Variants in CSMD1 observed in about 807,000 individuals in gnomAD.
CSMD1 encodes the protein CUB and sushi domain-containing protein 1.
Under a neutral mutation model 417.5 loss-of-function variants are expected in CSMD1, and 213 were observed. The observed-to-expected ratio is 0.51, with a 90% CI of 0.46 to 0.57. CSMD1 has a LOEUF of 0.57. Ranked by LOEUF, CSMD1 falls within the 20% of genes least tolerant of loss-of-function variation. The pLI is 0.00. For missense variants in CSMD1, 6,923 were observed against 4,529.7 expected (o/e 1.53, Z -15.17); for synonymous variants, 2,862 against 1,736.8 (o/e 1.65, Z -16.11).
intron 33 of CSMD1, among the ~76,000 whole-genome samples, chr8:3,198,381 T>C (rs1396628095): frequency 6.6e-6 from 1 of 152,238 alleles, no homozygotes; most frequent in Non-Finnish European, 1.5e-5. Flanking sequence ...CAAAGTCAGA[T>C]AGAATTTATT....
At chr8:4,848,111 A>T (rs1801250772) in intron 1 of CSMD1, among the ~76,000 whole-genome samples, 1 of 151,994 alleles carries the variant, frequency 6.6e-6, no homozygotes, top group Non-Finnish European at 1.5e-5. Flanking sequence ...TTTTTTTTGG[A>T]TATTGTCAAG....
chr8:3,979,987 T>A (rs1230136554), intron 5 of CSMD1, among the ~76,000 whole-genome samples: 1 of 152,194 alleles, frequency 6.6e-6, no homozygotes, highest in Non-Finnish European at 1.5e-5. Flanking sequence ...AAGAACTGGG[T>A]TGAACAACTC....
chr8:3,358,673 C>T (rs1808959378), intron 21 of CSMD1, among the ~76,000 whole-genome samples: 1 of 152,118 alleles, frequency 6.6e-6, no homozygotes, highest in Non-Finnish European at 1.5e-5. Flanking sequence ...CCTCTTGTGC[C>T]CACTTAGCAG....
intron 49 of CSMD1, among the ~76,000 whole-genome samples, chr8:3,077,097 T>C (rs1198642192): frequency 6.6e-6 from 1 of 152,188 alleles, no homozygotes; most frequent in East Asian, 1.9e-4. Flanking sequence ...ATTAGGTGCC[T>C]GCACGTCTGG....
chr8:4,899,862 G>A (rs1992203), intron 1 of CSMD1, among the ~76,000 whole-genome samples: 3 of 152,042 alleles, frequency 2.0e-5, no homozygotes, highest in Non-Finnish European at 4.4e-5. Context: ...TTTCTCTGGT[G>A]TCAGACATAC....
intron 1 of CSMD1, among the ~76,000 whole-genome samples, chr8:4,880,485 GC>G (rs750660907): frequency 4.6e-5 from 7 of 152,066 alleles, no homozygotes; most frequent in South Asian, 2.1e-4. Flanking sequence ...CTGTTGTGTA[GC>G]CCATGAATTC....
intron 1 of CSMD1, among the ~76,000 whole-genome samples, chr8:4,956,490 TA>T (rs201932735): frequency 0.016 from 2,364 of 148,684 alleles, 57 homozygotes; most frequent in African/African-American, 0.055. Context: ...CATATGTGTA[TA>T]AAAATATATG....
intron 11 of CSMD1, among the ~76,000 whole-genome samples, chr8:3,470,431 T>C (rs935947978): frequency 1.3e-5 from 2 of 152,182 alleles, no homozygotes; most frequent in African/African-American, 2.4e-5. Context: ...ATTTACCTAG[T>C]TTCCCCGAGT....
chr8:3,539,923 T>G (rs935768426), intron 10 of CSMD1, among the ~76,000 whole-genome samples: 1 of 152,318 alleles, frequency 6.6e-6, no homozygotes, highest in Admixed American at 6.5e-5. Flanking sequence ...GCTTCATGGA[T>G]AGACCATAAC....
chr8:3,241,305 CACA>C (rs1799498520), intron 26 of CSMD1, among the ~76,000 whole-genome samples: 3 of 150,866 alleles, frequency 2.0e-5, no homozygotes, highest in Admixed American at 6.6e-5. Context: ...CGTCAATACC[CACA>C]ACAGTTATGG....
rs33934672 is a variant in CSMD1, at chr8:3,064,889, C to CT, written c.7475-12243dup. Reference sequence around the variant, plus strand: ...AGTTTCAGAATCAAGGACCAAAAATCTTTTTTTTTCCTTTTATTCCCAGGG... The same window carrying CT: ...AGTTTCAGAATCAAGGACCAAAAATCTTTTTTTTTTCCTTTTATTCCCAGGG... On this transcript the variant is annotated intron_variant, in intron 49 of 69. Coordinates refer to ENST00000635120, the MANE Select transcript of CSMD1 (RefSeq NM_033225.6). 4.3e-3 allele frequency among the ~76,000 whole-genome samples: 656 copies of CT among 151,402 alleles called. 2 individuals are homozygous for CT. The highest frequency in any genetic ancestry group is 0.041 in the Middle Eastern group (12 of 294).
intron 2 of CSMD1, 77 bp from the exon 3 acceptor site, chr8:4,420,142 G>C (rs1797166282): frequency 1.4e-5 from 13 of 960,466 alleles, no homozygotes; most frequent in Non-Finnish European, 8.0e-6. Context: ...TGAAGTCACT[G>C]AATAACTTGA....
chr8:4,439,992 A>G (rs925610973), intron 2 of CSMD1, among the ~76,000 whole-genome samples: 2 of 152,176 alleles, frequency 1.3e-5, no homozygotes, highest in African/African-American at 4.8e-5. Flanking sequence ...CAGCCTAGAC[A>G]TGGGGGGTAT....
chr8:3,396,879 C>G (rs1020144632), intron 16 of CSMD1, among the ~76,000 whole-genome samples: 2 of 151,494 alleles, frequency 1.3e-5, no homozygotes, highest in Non-Finnish European at 2.9e-5. Context: ...AACACCTTTC[C>G]TGAAAAAAAA....
intron 3 of CSMD1, among the ~76,000 whole-genome samples, chr8:4,155,583 T>G (rs567297398): frequency 1.3e-5 from 2 of 152,302 alleles, no homozygotes; most frequent in South Asian, 4.1e-4. Flanking sequence ...CTTTAAATTG[T>G]GAGTCATTTT....
At chr8:3,592,676 G>A (rs140009671) in intron 8 of CSMD1, among the ~76,000 whole-genome samples, 43 of 127,442 alleles carry the variant, frequency 3.4e-4, no homozygotes, top group Middle Eastern at 3.6e-3. Context: ...GTGCACATCC[G>A]TGTGTGTGTG....
At chr8:4,539,290 T>C (rs1378613621) in intron 2 of CSMD1, among the ~76,000 whole-genome samples, 1 of 152,330 alleles carries the variant, frequency 6.6e-6, no homozygotes, top group Non-Finnish European at 1.5e-5. Context: ...TATGCATATG[T>C]GGGATGTAAA....
At chr8:4,698,120 T>G (rs1203292292) in intron 1 of CSMD1, among the ~76,000 whole-genome samples, 1 of 144,862 alleles carries the variant, frequency 6.9e-6, no homozygotes, top group Admixed American at 7.2e-5. Context: ...TGAACACTTT[T>G]GCTTTGAATA....
At chr8:4,460,192 A>T (rs565729039) in intron 2 of CSMD1, among the ~76,000 whole-genome samples, 7 of 152,318 alleles carry the variant, frequency 4.6e-5, no homozygotes, top group African/African-American at 1.7e-4. Flanking sequence ...GAAAATTAGA[A>T]TTTGAGAAAT....
Sources: allele counts gnomAD v4.1 joint callset (sites outside exome capture counted in the v4.1 genomes callset), GRCh38; gene constraint gnomAD v4.1.1; transcripts MANE v1.5; gene names NCBI Gene and HGNC (gene_info 2026-07-23, HGNC 2026-07-21).